The following DRAM2 variants were observed in gnomAD, a reference collection of about 807,000 sequenced individuals.
DRAM2 encodes the protein DNA damage-regulated autophagy modulator protein 2.
In DRAM2, 26 loss-of-function variants were observed where a neutral mutation model predicts 33.5. The observed-to-expected ratio is 0.78, with a 90% CI of 0.57 to 1.08. The LOEUF is 1.08. DRAM2 is among the 50% of genes least tolerant of loss of function. The pLI is 0.00. For synonymous variants in DRAM2, 98 were observed against 109.5 expected, an observed-to-expected ratio of 0.89 and a Z score of 0.66; for missense variants, 311 against 318.1, an observed-to-expected ratio of 0.98 and a Z score of 0.17.
chr1:111,118,087 A>G lies in DRAM2; in HGVS notation c.*73T>C, dbSNP rs1649267535. Reference sequence around the variant, plus strand: ...TAAGTGGTTGAAAATTTCAGAGAAGAATAAGCAACTTCTGTGAACCTTTCC... The same window carrying G: ...TAAGTGGTTGAAAATTTCAGAGAAGGATAAGCAACTTCTGTGAACCTTTCC... On this transcript the variant is annotated 3_prime_UTR_variant, in exon 10 of 10. Transcript: ENST00000484310. The G allele has an allele frequency of 2.1e-6, 3 of 1,423,908 alleles. No homozygotes were observed. The highest frequency in any genetic ancestry group is 2.3e-5 in the South Asian group (2 of 87,056). The allele number at this position is 1,423,908 out of a possible 1,614,324, so 88.2% of individuals were successfully genotyped here. A position where few individuals can be genotyped will look rare whatever the true frequency, so the allele number is the denominator to read the frequency against.
At chr1:111,125,027 A>C in intron 5 of DRAM2, 146 bp from the exon 6 acceptor site, 1 of 812,020 alleles carries the variant, frequency 1.2e-6, no homozygotes. Context: ...GAAAAAAAAA[A>C]ACAAAATAGC....
intron 3 of DRAM2, among the ~76,000 whole-genome samples, chr1:111,132,150 A>T (rs1336720444): frequency 6.6e-6 from 1 of 152,170 alleles, no homozygotes; most frequent in Non-Finnish European, 1.5e-5. Flanking sequence ...AGGAAGGCAG[A>T]GAGAGAGGAT....
chr1:111,136,656 T>C (rs944563516), intron 3 of DRAM2, among the ~76,000 whole-genome samples: 12 of 152,168 alleles, frequency 7.9e-5, no homozygotes, highest in African/African-American at 2.9e-4. Flanking sequence ...CCATCTGCTA[T>C]AGCAACCACT....
At chr1:111,132,856 T>C (rs548450933) in intron 3 of DRAM2, among the ~76,000 whole-genome samples, 2 of 151,892 alleles carry the variant, frequency 1.3e-5, no homozygotes, top group East Asian at 3.9e-4. Flanking sequence ...CTAACTTTAT[T>C]ATTTGTAGAG....
At chr1:111,118,983 C>A in intron 8 of DRAM2, 86 bp from the exon 9 acceptor site, 1 of 883,394 alleles carries the variant, frequency 1.1e-6, no homozygotes, top group Admixed American at 3.7e-5. Context: ...ACACACAATT[C>A]TTATAAAATA....
chr1:111,133,211 T>C (rs531410838), intron 3 of DRAM2, among the ~76,000 whole-genome samples: 29 of 148,270 alleles, frequency 2.0e-4, no homozygotes, highest in Non-Finnish European at 3.7e-4. Context: ...AGAGTGTCAC[T>C]GTGACACCCA....
intron 4 of DRAM2, among the ~76,000 whole-genome samples, chr1:111,130,038 A>G (rs1424993073): frequency 6.8e-6 from 1 of 147,662 alleles, no homozygotes; most frequent in South Asian, 2.2e-4. Flanking sequence ...TTGCAATTTT[A>G]AAAAAAGAGG....
chr1:111,130,577 G>A (rs1651860588), intron 4 of DRAM2, among the ~76,000 whole-genome samples: 2 of 151,856 alleles, frequency 1.3e-5, no homozygotes, highest in South Asian at 2.1e-4. Context: ...GTGTGCGCCT[G>A]TAATTCTAGT....
chr1:111,135,437 T>C (rs325932), intron 3 of DRAM2, among the ~76,000 whole-genome samples: 35,860 of 152,134 alleles, frequency 0.24, 5,333 homozygotes, highest in African/African-American at 0.4. Flanking sequence ...TAGTTTCAGC[T>C]TTTTTATTGT....
At position 111,135,306 on chromosome 1, in the gene DRAM2, G is replaced by C. The variant is rs138694244; in HGVS notation, c.-15+2217C>G. Among the ~76,000 whole-genome samples the C allele has an allele frequency of 3.7e-3, 561 of 152,282 alleles. 5 individuals carry two copies. Among genetic ancestry groups the C allele is most frequent in the African/African-American group, 0.013 (532 of 41,556 alleles). On this transcript the variant is annotated intron_variant, in intron 3 of 9. Coordinates refer to ENST00000484310, the MANE Select transcript of DRAM2 (RefSeq NM_001349884.2). ...GAAGCATGTGCCTGGGAGGTTACAG[G>C]GATATGAATTCTATCTCTCTGCTTT...
At chr1:111,137,251 C>CAA (rs71580572) in intron 3 of DRAM2, among the ~76,000 whole-genome samples, 1,935 of 66,870 alleles carry the variant, frequency 0.029, 50 homozygotes, top group East Asian at 0.048. Flanking sequence ...GATTCCATCT[C>CAA]AAAAAAAAAA....
chr1:111,122,527 G>C (rs1368634162), intron 6 of DRAM2: 1 of 152,076 alleles, frequency 6.6e-6, no homozygotes, highest in Non-Finnish European at 1.5e-5. Context: ...TTATAGACCT[G>C]GTTTTGTAAA....
intron 4 of DRAM2, 33 bp downstream of exon 4, chr1:111,131,387 TAAAG>T (rs769485105): frequency 6.4e-7 from 1 of 1,571,512 alleles, no homozygotes; most frequent in East Asian, 2.2e-5. Context: ...GAATGAGACA[TAAAG>T]AGTCTCCTAT....
intron 4 of DRAM2, among the ~76,000 whole-genome samples, chr1:111,127,067 T>C (rs2101055589): frequency 6.6e-6 from 1 of 152,320 alleles, no homozygotes; most frequent in African/African-American, 2.4e-5. Flanking sequence ...CCTAAAACTG[T>C]TCCCTTAATT....
chr1:111,139,750 G>A (rs1050028672), intron 1 of DRAM2, 84 bp from the exon 2 acceptor site: 2 of 152,474 alleles, frequency 1.3e-5, no homozygotes, highest in East Asian at 3.9e-4. Context: ...AACCAAGGAA[G>A]AGAACAGAAA....
chr1:111,125,493 T>C (rs1650836336), intron 5 of DRAM2: 1 of 152,244 alleles, frequency 6.6e-6, no homozygotes, highest in Non-Finnish European at 1.5e-5. Context: ...AGTCAAGAAC[T>C]AGCTAAATCA....
chr1:111,124,219 TTTAACA>T (rs1232652337), intron 6 of DRAM2, among the ~76,000 whole-genome samples: 5 of 152,196 alleles, frequency 3.3e-5, no homozygotes, highest in South Asian at 4.1e-4. Context: ...TGACCACTAC[TTTAACA>T]TTAAGTATTT....
rs1408684564 is a variant in DRAM2, at chr1:111,120,683, AG to A, written c.349del (p.Leu117PhefsTer6). ...SIVANFQKTT[L>X]FAAHVSGAVL... Reference sequence around the variant, plus strand: ...AGCTCCACTTACATGTGCAGCAAAAAGGGTTGTTTTCTGAGAGATAGAGAGA... The same window carrying A: ...AGCTCCACTTACATGTGCAGCAAAAAGGTTGTTTTCTGAGAGATAGAGAGA... On this transcript the variant is annotated frameshift_variant, in exon 7 of 10. Transcript: ENST00000484310. LOFTEE classifies it high-confidence loss of function. The A allele has an allele frequency of 6.5e-7, 1 of 1,542,082 alleles. No individual in the cohort carries two copies. The highest frequency in any genetic ancestry group is 1.4e-5 in the African/African-American group (1 of 71,310).
At chr1:111,124,701 T>C in intron 6 of DRAM2, 41 bp downstream of exon 6, 5 of 1,603,986 alleles carry the variant, frequency 3.1e-6, no homozygotes, top group Non-Finnish European at 3.4e-6. Context: ...TATATATTTA[T>C]GTACTTAAGG....
Sources: allele counts gnomAD v4.1 joint callset (sites outside exome capture counted in the v4.1 genomes callset), GRCh38; gene constraint gnomAD v4.1.1; transcripts MANE v1.5; gene names NCBI Gene and HGNC (gene_info 2026-07-23, HGNC 2026-07-21).